The following DHRSX variants were observed in gnomAD, a reference collection of about 807,000 sequenced individuals.
The protein encoded by DHRSX is polyprenol dehydrogenase.
A neutral mutation model predicts 34.0 loss-of-function variants in DHRSX; 31 were observed. That is an observed-to-expected ratio of 0.91 (90% CI 0.69 to 1.23). The LOEUF is 1.23. DHRSX is among the 50% of genes most tolerant of loss of function. The pLI, the probability that DHRSX is intolerant of heterozygous loss-of-function variation, is 0.00. For synonymous variants in DHRSX, 201 were observed against 183.8 expected, an observed-to-expected ratio of 1.09 and a Z score of -0.76; for missense variants, 414 against 428.1, an observed-to-expected ratio of 0.97 and a Z score of 0.29.
At chrX:2,452,185 C>T (rs1471405942) in intron 1 of DHRSX, among the ~76,000 whole-genome samples, 8 of 151,080 alleles carry the variant, frequency 5.3e-5, no homozygotes, top group Non-Finnish European at 8.9e-5. Context: ...AAGGGACCGC[C>T]GCCATGTACA....
At chrX:2,489,360 C>G (rs1380791504) in intron 1 of DHRSX, 1 of 1,613,958 alleles carries the variant, frequency 6.2e-7, no homozygotes, top group Non-Finnish European at 8.5e-7. Context: ...TTGGAAAGCT[C>G]CTTGGCGATG....
intron 5 of DHRSX, among the ~76,000 whole-genome samples, chrX:2,249,217 G>C (rs1028708990): frequency 3.1e-4 from 38 of 121,660 alleles, no homozygotes; most frequent in African/African-American, 1.2e-3. Context: ...TTTTGAGACA[G>C]AGTCTTGTTC....
chrX:2,430,994 C>T (rs2043911809), intron 1 of DHRSX, among the ~76,000 whole-genome samples: 1 of 151,900 alleles, frequency 6.6e-6, no homozygotes, highest in Non-Finnish European at 1.5e-5. Context: ...CACTGCACTC[C>T]AGCCTGGGTG....
In DHRSX at chrX:2,392,091, C is replaced by T. The variant is rs188445366; in HGVS notation, c.286+16654G>A. 1.2e-3 allele frequency among the ~76,000 whole-genome samples: 185 copies of T among 152,238 alleles called. 1 individual carries two copies. The highest frequency in any genetic ancestry group is 4.3e-3 in the African/African-American group (179 of 41,552). On this transcript the variant is annotated intron_variant, in intron 3 of 6. Transcript: ENST00000334651. ...GAAAACGCTGTCGTTCACCATCCCT[C>T]GCCACAGGGAGGCCACAGGCAATGC...
intron 4 of DHRSX, among the ~76,000 whole-genome samples, chrX:2,290,529 G>A (rs982230960): frequency 1.3e-5 from 2 of 152,092 alleles, no homozygotes; most frequent in African/African-American, 4.8e-5. Flanking sequence ...AGATCCTTTT[G>A]CTGATTTTTT....
chrX:2,250,089 G>C (rs1198566636), intron 5 of DHRSX, among the ~76,000 whole-genome samples: 2 of 150,072 alleles, frequency 1.3e-5, no homozygotes, highest in East Asian at 4.0e-4. Context: ...TTGAACCCGG[G>C]AGGTGAAGAT....
rs1000352335 is a variant in DHRSX at position 2,473,693 on chromosome X, G to A, written c.109+27124C>T. 7.2e-5 allele frequency among the ~76,000 whole-genome samples: 10 copies of A among 139,366 alleles called. 1 individual carries two copies. The highest frequency in any genetic ancestry group is 1.9e-4 in the East Asian group (1 of 5,152). The allele number at this position is 139,366 out of a possible 152,430, so 91.4% of individuals were successfully genotyped here. ...CCAGGACACAAGCCCCTTCCACCCC[G>A]GGCCCCGGAAATGCACAGACCACCT... On this transcript the variant is annotated intron_variant, in intron 1 of 6. Transcript: ENST00000334651.
At chrX:2,223,347 G>A (rs948168720) in intron 6 of DHRSX, among the ~76,000 whole-genome samples, 2 of 152,092 alleles carry the variant, frequency 1.3e-5, no homozygotes, top group South Asian at 2.1e-4. Context: ...TTCACCTTCC[G>A]CCATGATTGT....
chrX:2,237,367 G>A (rs1467859093), intron 6 of DHRSX, among the ~76,000 whole-genome samples: 1 of 152,048 alleles, frequency 6.6e-6, no homozygotes, highest in Non-Finnish European at 1.5e-5. Context: ...CTACTTCATG[G>A]TGAAGTGGGC....
Position 2,481,184 on chromosome X carries a change from AATT to A in DHRSX, c.109+19630_109+19632del, listed in dbSNP as rs751237810. Among the ~76,000 whole-genome samples the A allele has an allele frequency of 3.3e-5, 5 of 152,322 alleles. No individual in the cohort carries two copies. In the East Asian group the frequency reaches 9.6e-4, roughly 29 times the overall value. On this transcript the variant is annotated intron_variant, in intron 1 of 6. Coordinates refer to ENST00000334651, the MANE Select transcript of DHRSX (RefSeq NM_145177.3). ...CGTCGTACCTCCTATATATGTATAC[AATT>A]ATTTTCTATAAAATAATTCTATAAA...
rs1441354509 is a variant in DHRSX, at chrX:2,499,685, T to C, written c.109+1132A>G. Among the ~76,000 whole-genome samples, 12 of 151,972 alleles carry C rather than the reference T, an allele frequency of 7.9e-5. No homozygotes were observed. In the East Asian group the frequency reaches 9.7e-4, roughly 12 times the overall value. ...ACTTTGGGGGACCCAGGTAGGAGGA[T>C]TGCTTCGGCCCATGAGTTTCAGACC... On this transcript the variant is annotated intron_variant, in intron 1 of 6. Coordinates refer to ENST00000334651, the MANE Select transcript of DHRSX (RefSeq NM_145177.3).
intron 3 of DHRSX, among the ~76,000 whole-genome samples, chrX:2,320,728 T>A (rs1208537260): frequency 6.6e-6 from 1 of 151,034 alleles, no homozygotes; most frequent in Non-Finnish European, 1.5e-5. Context: ...CAGTTGAAAG[T>A]CAACAACATG....
At chrX:2,389,644 A>C (rs1379996327) in intron 3 of DHRSX, among the ~76,000 whole-genome samples, 1 of 152,206 alleles carries the variant, frequency 6.6e-6, no homozygotes, top group Non-Finnish European at 1.5e-5. Context: ...ACAGCTGCAC[A>C]AGGATGCTCC....
At chrX:2,485,527 AAGGG>A (rs912106809) in intron 1 of DHRSX, among the ~76,000 whole-genome samples, 3 of 139,716 alleles carry the variant, frequency 2.1e-5, no homozygotes, top group Non-Finnish European at 4.7e-5. Context: ...ACGAAAGAGG[AAGGG>A]AGGGAGGGAG....
chrX:2,339,266 G>C (rs2042610481), intron 3 of DHRSX, among the ~76,000 whole-genome samples: 2 of 151,896 alleles, frequency 1.3e-5, no homozygotes, highest in South Asian at 4.2e-4. Flanking sequence ...CTCCCAAGCA[G>C]CTGGGATTAC....
chrX:2,414,909 C>T (rs188597096), intron 2 of DHRSX, among the ~76,000 whole-genome samples: 255 of 151,938 alleles, frequency 1.7e-3, no homozygotes, highest in African/African-American at 5.7e-3. Context: ...CACTAGACCT[C>T]ATCATGACCT....
chrX:2,346,785 G>A (rs745569311), intron 3 of DHRSX, among the ~76,000 whole-genome samples: 3 of 152,068 alleles, frequency 2.0e-5, no homozygotes, highest in African/African-American at 7.2e-5. Context: ...TTCTCCTAAT[G>A]CTATCCCTCC....
At chrX:2,437,696 A>AGTGTGTGT (rs1321073330) in intron 1 of DHRSX, among the ~76,000 whole-genome samples, 23 of 92,266 alleles carry the variant, frequency 2.5e-4, no homozygotes, top group African/African-American at 9.2e-4. Context: ...AGAGAGAGAG[A>AGTGTGTGT]GAGTGTGTGT....
chrX:2,444,249 A>C (rs1329296486), intron 1 of DHRSX, among the ~76,000 whole-genome samples: 1 of 152,162 alleles, frequency 6.6e-6, no homozygotes, highest in Non-Finnish European at 1.5e-5. Flanking sequence ...TCACACATGA[A>C]ATTGAAAATG....
Sources: gnomAD v4.1 joint callset for allele counts (sites outside exome capture counted in the v4.1 genomes callset) on GRCh38, gnomAD v4.1.1 for gene constraint, MANE v1.5 for transcripts, NCBI Gene and HGNC (gene_info 2026-07-23, HGNC 2026-07-21) for gene names.